The following PARP12 variants were observed in gnomAD, a reference collection of about 807,000 sequenced individuals.
PARP12 encodes poly(ADP-ribose) polymerase family member 12, also known as protein mono-ADP-ribosyltransferase PARP12.
In PARP12, 59 loss-of-function variants were observed where a neutral mutation model predicts 72.4. The observed-to-expected ratio is 0.81, with a 90% CI of 0.66 to 1.01. The LOEUF is 1.01. Among genes scored for constraint, PARP12 ranks in the 50% least tolerant of loss-of-function variants. The pLI is 0.00. For missense variants in PARP12, 851 were observed against 914.0 expected (o/e 0.93, Z 0.89); for synonymous variants, 403 against 371.4 (o/e 1.09, Z -0.98).
At chr7:140,041,451 T>C (rs923645679) in intron 6 of PARP12, 193 bp downstream of exon 6, 2 of 512,070 alleles carry the variant, frequency 3.9e-6, no homozygotes, top group East Asian at 3.1e-5. Flanking sequence ...TCTTCAAAGA[T>C]GAAAGCTCAT....
chr7:140,033,504 C>A (rs1185167318), intron 8 of PARP12: 1 of 985,332 alleles, frequency 1.0e-6, no homozygotes, highest in Middle Eastern at 5.2e-4. Flanking sequence ...GCACTGTGGT[C>A]CCTCTCCACC....
intron 6 of PARP12, among the ~76,000 whole-genome samples, chr7:140,040,784 G>A (rs2116578861): frequency 6.6e-6 from 1 of 152,280 alleles, no homozygotes; most frequent in South Asian, 2.1e-4. Flanking sequence ...TTGTACTTGA[G>A]ATGGAATCTC....
In PARP12 at chr7:140,024,225, A is replaced by C. The variant is rs1815632623; in HGVS notation, c.*335T>G. The C allele has an allele frequency of 2.9e-6, 1 of 347,794 alleles. No homozygotes were observed. The highest frequency in any genetic ancestry group is 5.6e-6 in the Non-Finnish European group (1 of 180,070). 21.5% of individuals were successfully genotyped at this position (347,794 alleles called of 1,614,324 possible). A position where few individuals can be genotyped will look rare whatever the true frequency, so the allele number is the denominator to read the frequency against. ...GAATCACTGCAGAGACAAACTCATA[A>C]AAATTAAAACCAATCCATAAAATTG... On this transcript the variant is annotated 3_prime_UTR_variant, in exon 12 of 12. Transcript: ENST00000263549.
Position 140,062,866 on chromosome 7 carries a change from CG to C in PARP12, c.-20del. 7.9e-7 allele frequency: 1 copy of C among 1,265,634 alleles called. No homozygotes were observed. 78.4% of individuals were successfully genotyped at this position (1,265,634 alleles called of 1,614,324 possible). A position where few individuals can be genotyped will look rare whatever the true frequency, so the allele number is the denominator to read the frequency against. The stretch of plus-strand genomic sequence containing the variant: ...GGGCCATGGCCGCTGGGCCTGCTCC[CG>C]TCGGACCGCGGGTGGCGCGACGCGG... On this transcript the variant is annotated 5_prime_UTR_variant, in exon 1 of 12. Transcript: ENST00000263549.
At chr7:140,037,334 T>C (rs1327846757) in intron 7 of PARP12, among the ~76,000 whole-genome samples, 1 of 152,216 alleles carries the variant, frequency 6.6e-6, no homozygotes, top group Non-Finnish European at 1.5e-5. Flanking sequence ...AAAAAAAAGA[T>C]GACAGCAGCA....
intron 1 of PARP12, among the ~76,000 whole-genome samples, chr7:140,058,347 T>TA (rs1817277871): frequency 6.6e-6 from 1 of 151,934 alleles, no homozygotes; most frequent in African/African-American, 2.4e-5. Context: ...CCGTCTCTAC[T>TA]AAAAATATAA....
chr7:140,036,227 A>G (rs1816191660), intron 7 of PARP12, among the ~76,000 whole-genome samples: 1 of 152,228 alleles, frequency 6.6e-6, no homozygotes, highest in South Asian at 2.1e-4. Context: ...TCAAGGTAGT[A>G]TCTGACATTT....
chr7:140,027,432 C>T, intron 9 of PARP12, 26 bp from the exon 10 acceptor site: 9 of 1,611,234 alleles, frequency 5.6e-6, no homozygotes, highest in Non-Finnish European at 7.6e-6. Context: ...GTTTTTAATG[C>T]ATTACCATCA....
At chr7:140,046,503 C>T (rs574416605) in intron 5 of PARP12, among the ~76,000 whole-genome samples, 7 of 152,296 alleles carry the variant, frequency 4.6e-5, no homozygotes, top group African/African-American at 1.7e-4. Context: ...GAAATTATCA[C>T]CTCTCGCTTT....
chr7:140,032,975 C>T (rs1035954222), intron 8 of PARP12, among the ~76,000 whole-genome samples: 4 of 151,882 alleles, frequency 2.6e-5, no homozygotes, highest in South Asian at 2.1e-4. Flanking sequence ...ATTTTTGAGA[C>T]GGGTCTCACT....
At chr7:140,028,763 T>C in intron 8 of PARP12, 75 bp from the exon 9 acceptor site, 1 of 1,290,780 alleles carries the variant, frequency 7.7e-7, no homozygotes, top group Non-Finnish European at 1.1e-6. Context: ...TGGTCTCTGC[T>C]AGCCAATATC....
At chr7:140,057,203 C>CA (rs746075783) in intron 2 of PARP12, 50 bp from the exon 3 acceptor site, 1 of 1,544,168 alleles carries the variant, frequency 6.5e-7, no homozygotes, top group Non-Finnish European at 8.8e-7. Context: ...TCTCACACGA[C>CA]ACCACCTCCC....
chr7:140,028,794 C>A, intron 8 of PARP12, 106 bp from the exon 9 acceptor site: 5 of 902,224 alleles, frequency 5.5e-6, no homozygotes, highest in South Asian at 4.8e-5. Flanking sequence ...AGTCTCAGCA[C>A]ATCATATTTC....
intron 5 of PARP12, among the ~76,000 whole-genome samples, chr7:140,043,790 C>T (rs544824417): frequency 3.3e-5 from 5 of 152,172 alleles, no homozygotes; most frequent in Admixed American, 2.0e-4. Context: ...CCTCAGCCTC[C>T]CAAAGTGCTG....
chr7:140,059,106 A>G (rs372042373), intron 1 of PARP12, among the ~76,000 whole-genome samples: 2 of 152,088 alleles, frequency 1.3e-5, no homozygotes, highest in African/African-American at 2.4e-5. Context: ...AAAAAAAAAA[A>G]AAAGAAAGAA....
At chr7:140,050,654 G>A (rs1372632499) in intron 4 of PARP12, among the ~76,000 whole-genome samples, 1 of 152,136 alleles carries the variant, frequency 6.6e-6, no homozygotes, top group Non-Finnish European at 1.5e-5. Flanking sequence ...GATACCTAAG[G>A]ACAGAATGAT....
At chr7:140,048,265 C>T (rs1186403454) in intron 4 of PARP12, among the ~76,000 whole-genome samples, 2 of 152,190 alleles carry the variant, frequency 1.3e-5, no homozygotes, top group Non-Finnish European at 1.5e-5. Context: ...TTCCGGTGAG[C>T]TGCTCCCCTC....
chr7:140,043,879 C>T (rs1816601302), intron 5 of PARP12, among the ~76,000 whole-genome samples: 4 of 152,172 alleles, frequency 2.6e-5, no homozygotes, highest in South Asian at 2.1e-4. Flanking sequence ...AAAAATCATA[C>T]TTCGATGGGA....
At chr7:140,050,073 A>T (rs999788330) in intron 4 of PARP12, among the ~76,000 whole-genome samples, 5 of 152,224 alleles carry the variant, frequency 3.3e-5, no homozygotes, top group Non-Finnish European at 7.3e-5. Context: ...AACAATAAAA[A>T]ATACCATCAA....
Sources: allele counts gnomAD v4.1 joint callset (sites outside exome capture counted in the v4.1 genomes callset), GRCh38; gene constraint gnomAD v4.1.1; transcripts MANE v1.5; gene names NCBI Gene and HGNC (gene_info 2026-07-23, HGNC 2026-07-21).